The following YTHDF2 variants were observed in gnomAD, a reference collection of about 807,000 sequenced individuals.
YTHDF2 encodes the protein YTH domain-containing family protein 2.
A neutral mutation model predicts 50.4 loss-of-function variants in YTHDF2; 2 were observed. The observed-to-expected ratio is 0.04, with a 90% confidence interval of 0.02 to 0.12. YTHDF2 has a LOEUF of 0.12. Ranked by LOEUF, YTHDF2 falls within the 10% of genes least tolerant of loss-of-function variation. YTHDF2 has a pLI of 1.00. For missense variants in YTHDF2, 483 were observed against 722.6 expected, an observed-to-expected ratio of 0.67 and a Z score of 3.80; for synonymous variants, 217 against 255.6, an observed-to-expected ratio of 0.85 and a Z score of 1.44.
chr1:28,759,351 T>A (rs2088081203), intron 4 of YTHDF2, among the ~76,000 whole-genome samples: 1 of 152,162 alleles, frequency 6.6e-6, no homozygotes, highest in Non-Finnish European at 1.5e-5. Context: ...AGCCTAAATA[T>A]CTTTAAAACT....
At chr1:28,753,721 T>TC (rs2087993026) in intron 4 of YTHDF2, among the ~76,000 whole-genome samples, 1 of 151,178 alleles carries the variant, frequency 6.6e-6, no homozygotes, top group African/African-American at 2.4e-5. Flanking sequence ...TTTTTTTTTT[T>TC]CTGAGACAAA....
chr1:28,764,814 G>A (rs1030897162), intron 4 of YTHDF2, among the ~76,000 whole-genome samples: 9 of 152,012 alleles, frequency 5.9e-5, no homozygotes, highest in African/African-American at 1.7e-4. Context: ...AGAGTGCTAG[G>A]ATTACTCGGG....
intron 3 of YTHDF2, among the ~76,000 whole-genome samples, chr1:28,741,078 A>G (rs1006669383): frequency 1.3e-5 from 2 of 151,438 alleles, no homozygotes; most frequent in African/African-American, 2.4e-5. Context: ...GCTTACTGCA[A>G]CCTCTGTCTC....
At chr1:28,763,943 AATTT>A (rs994558974) in intron 4 of YTHDF2, among the ~76,000 whole-genome samples, 326 of 137,762 alleles carry the variant, frequency 2.4e-3, no homozygotes, top group Middle Eastern at 0.022. Context: ...TTATTTTTTA[AATTT>A]ATTTATTTTA....
chr1:28,767,861 A>T (rs1177747576), intron 4 of YTHDF2, among the ~76,000 whole-genome samples: 3 of 139,828 alleles, frequency 2.1e-5, no homozygotes, highest in South Asian at 2.4e-4. Context: ...AGGATGTCTC[A>T]CTCTCTTGAC....
chr1:28,760,827 G>A (rs1363967476), intron 4 of YTHDF2, among the ~76,000 whole-genome samples: 16 of 152,180 alleles, frequency 1.1e-4, no homozygotes, highest in Admixed American at 1.0e-3. Flanking sequence ...TGATCCGCCT[G>A]CCTCTGCCTC....
At chr1:28,765,124 C>T (rs1217822725) in intron 4 of YTHDF2, among the ~76,000 whole-genome samples, 1 of 152,056 alleles carries the variant, frequency 6.6e-6, no homozygotes, top group East Asian at 1.9e-4. Context: ...CCTTCAGCCT[C>T]CCCAGCAGCT....
chr1:28,764,854 TTTG>T (rs2088193988), intron 4 of YTHDF2, among the ~76,000 whole-genome samples: 1 of 151,932 alleles, frequency 6.6e-6, no homozygotes, highest in African/African-American at 2.4e-5. Flanking sequence ...TTAATGTTTT[TTTG>T]TTTTTTGTTT....
chr1:28,767,389 A>G (rs1475651225), intron 4 of YTHDF2, among the ~76,000 whole-genome samples: 1 of 152,202 alleles, frequency 6.6e-6, no homozygotes, highest in Non-Finnish European at 1.5e-5. Flanking sequence ...AAGGACATCT[A>G]TAGTCTAAGT....
chr1:28,768,272 T>C (rs1178558368), intron 4 of YTHDF2, among the ~76,000 whole-genome samples: 1 of 152,172 alleles, frequency 6.6e-6, no homozygotes, highest in African/African-American at 2.4e-5. Context: ...AGGATAAGTT[T>C]CTGAAAGACT....
In YTHDF2 at chr1:28,747,445, C is replaced by T. The variant is rs1330410375; in HGVS notation, c.1716+3459C>T. ...ATTAGCTGGGCATGGTGGCAGGTGC[C>T]TGTAATCCCAGCTACTACTTGCAGT... On this transcript the variant is annotated intron_variant, in intron 4 of 4. Coordinates refer to ENST00000373812, the MANE Select transcript of YTHDF2 (RefSeq NM_016258.3). 2.6e-5 allele frequency among the ~76,000 whole-genome samples: 4 copies of T among 151,358 alleles called. No individual in the cohort carries two copies. The East Asian group carries it at 5.9e-4, about 22-fold the overall frequency.
At position 28,737,689 on chromosome 1, in the gene YTHDF2, CCCGCTCCGCCGGTGG is replaced by C; in HGVS notation, c.52+10_52+24del. On this transcript the variant is annotated splice_region_variant and intron_variant, in intron 2 of 4. Coordinates refer to ENST00000373812, the MANE Select transcript of YTHDF2 (RefSeq NM_016258.3). ...AAAGGTCAAGGAAACAAAGGTAAGT[CCCGCTCCGCCGGTGG>C]CCCTGAGCCGGGAGGGGGACGCGGG... 1 of 1,613,824 alleles carries C rather than the reference CCCGCTCCGCCGGTGG, an allele frequency of 6.2e-7. No individual in the cohort carries two copies. The highest frequency in any genetic ancestry group is 8.5e-7 in the Non-Finnish European group (1 of 1,179,870).
chr1:28,746,283 G>A (rs892168434), intron 4 of YTHDF2, among the ~76,000 whole-genome samples: 1 of 152,070 alleles, frequency 6.6e-6, no homozygotes, highest in Admixed American at 6.6e-5. Context: ...ATAAAATTCT[G>A]TCCTACATCT....
intron 4 of YTHDF2, among the ~76,000 whole-genome samples, chr1:28,767,416 C>A (rs577667524): frequency 1.3e-5 from 2 of 152,236 alleles, no homozygotes; most frequent in East Asian, 1.9e-4. Context: ...TTCAGTGTTA[C>A]AATTTGGGAC....
At chr1:28,759,910 T>C (rs2088088744) in intron 4 of YTHDF2, among the ~76,000 whole-genome samples, 1 of 152,188 alleles carries the variant, frequency 6.6e-6, no homozygotes, top group Admixed American at 6.5e-5. Context: ...GAGCTGAGAT[T>C]GAGCCACTGT....
chr1:28,758,792 C>T (rs187614865), intron 4 of YTHDF2, among the ~76,000 whole-genome samples: 1 of 152,266 alleles, frequency 6.6e-6, no homozygotes, highest in Admixed American at 6.5e-5. Flanking sequence ...GCAAAAGTTA[C>T]TTTAGTTGAG....
intron 4 of YTHDF2, among the ~76,000 whole-genome samples, chr1:28,747,552 A>C (rs1430466054): frequency 2.9e-5 from 4 of 140,054 alleles, no homozygotes; most frequent in African/African-American, 7.9e-5. Context: ...TTCCATAAAG[A>C]CTTTTTTTTT....
Position 28,752,619 on chromosome 1 carries a change from T to C in YTHDF2, c.1716+8633T>C, listed in dbSNP as rs555111913. Among the ~76,000 whole-genome samples the C allele has an allele frequency of 4.6e-5, 7 of 152,300 alleles. No individual in the cohort carries two copies. The South Asian group carries it at 1.2e-3, about 27-fold the overall frequency. On this transcript the variant is annotated intron_variant, in intron 4 of 4. Coordinates refer to ENST00000373812, the MANE Select transcript of YTHDF2 (RefSeq NM_016258.3). ...CAGCTGTTAGTTACATCGTGGAAATTGACAAATGCTGTATATAAATCAATG... is the reference window on the plus strand; with the variant it reads ...CAGCTGTTAGTTACATCGTGGAAATCGACAAATGCTGTATATAAATCAATG...
rs1025483017 is a variant in YTHDF2 at position 28,769,746 on chromosome 1, T to A, written c.*794T>A. On this transcript the variant is annotated 3_prime_UTR_variant, in exon 5 of 5. Transcript: ENST00000373812. ...CTTTCTTTTTACCATTAATCACTTC[T>A]CAATAAACGTGAGATCCTGTTGAGC... 6.5e-6 allele frequency: 1 copy of A among 152,674 alleles called. No homozygotes were observed. The highest frequency in any genetic ancestry group is 6.5e-5 in the Admixed American group (1 of 15,278). The allele number at this position is 152,674 out of a possible 1,614,324, so 9.5% of individuals were successfully genotyped here.
Sources: gnomAD v4.1 joint callset for allele counts (sites outside exome capture counted in the v4.1 genomes callset) on GRCh38, gnomAD v4.1.1 for gene constraint, MANE v1.5 for transcripts, NCBI Gene and HGNC (gene_info 2026-07-23, HGNC 2026-07-21) for gene names.